The following ELAPOR2 variants were observed in gnomAD, a reference collection of about 807,000 sequenced individuals.
ELAPOR2 encodes the protein endosome/lysosome-associated apoptosis and autophagy regulator family member 2.
In ELAPOR2, 89 loss-of-function variants were observed where a neutral mutation model predicts 120.7. The observed-to-expected ratio is 0.74, with a 90% CI of 0.62 to 0.88. The LOEUF is 0.88. ELAPOR2 is among the 40% of genes least tolerant of loss of function. The pLI is 0.00. For synonymous variants in ELAPOR2, 444 were observed against 444.9 expected (o/e 1.00, Z 0.03); for missense variants, 1,134 against 1,251.6 (o/e 0.91, Z 1.42).
At chr7:87,023,282 T>A (rs1046069899) in intron 1 of ELAPOR2, among the ~76,000 whole-genome samples, 1 of 152,232 alleles carries the variant, frequency 6.6e-6, no homozygotes, top group African/African-American at 2.4e-5. Flanking sequence ...TTTCTACATA[T>A]GGCTAGCCAG....
intron 12 of ELAPOR2, among the ~76,000 whole-genome samples, chr7:86,916,289 G>A (rs1789564615): frequency 6.6e-6 from 1 of 152,166 alleles, no homozygotes; most frequent in Non-Finnish European, 1.5e-5. Context: ...TTGACTGAAA[G>A]GAGTAAGAGA....
chr7:86,967,445 C>G (rs1393283631), intron 1 of ELAPOR2, among the ~76,000 whole-genome samples: 1 of 151,946 alleles, frequency 6.6e-6, no homozygotes, highest in Non-Finnish European at 1.5e-5. Context: ...GGCAATGGAA[C>G]GAGACTCCAT....
At position 86,914,985 on chromosome 7, in the gene ELAPOR2, C is replaced by T. The variant is rs1789498961; in HGVS notation, c.1594-125G>A. The T allele has an allele frequency of 1.7e-5, 13 of 780,050 alleles. No homozygotes were observed. The South Asian group carries it at 2.6e-4, about 16-fold the overall frequency. The allele number at this position is 780,050 out of a possible 1,614,324, so 48.3% of individuals were successfully genotyped here. On this transcript the variant is annotated intron_variant, in intron 12 of 21. Transcript: ENST00000450689. ...ATTACAGTTTATGACTATTTACAAA[C>T]AGAGCATGTAATCCCAGAACTCTTA...
chr7:87,032,303 C>A (rs139600648), intron 1 of ELAPOR2, among the ~76,000 whole-genome samples: 1 of 152,014 alleles, frequency 6.6e-6, no homozygotes, highest in African/African-American at 2.4e-5. Flanking sequence ...GAACTAATAA[C>A]AAATGATTGC....
At chr7:86,935,513 A>G (rs1790524229) in intron 8 of ELAPOR2, among the ~76,000 whole-genome samples, 1 of 151,994 alleles carries the variant, frequency 6.6e-6, no homozygotes, top group African/African-American at 2.4e-5. Flanking sequence ...TATTTGATTG[A>G]CTGTTTATCT....
At chr7:87,019,697 TAA>T (rs796608508) in intron 1 of ELAPOR2, among the ~76,000 whole-genome samples, 1 of 152,208 alleles carries the variant, frequency 6.6e-6, no homozygotes, top group African/African-American at 2.4e-5. Context: ...TGGTAGTATG[TAA>T]ATCAGTATAA....
chr7:86,965,517 A>G (rs1193406437), intron 1 of ELAPOR2, among the ~76,000 whole-genome samples: 3 of 152,160 alleles, frequency 2.0e-5, no homozygotes, highest in Non-Finnish European at 4.4e-5. Flanking sequence ...AAAGACTACA[A>G]GTTTTTAAAG....
intron 1 of ELAPOR2, among the ~76,000 whole-genome samples, chr7:86,988,038 T>C (rs553586919): frequency 2.0e-5 from 3 of 152,270 alleles, no homozygotes; most frequent in Admixed American, 1.3e-4. Flanking sequence ...TGAGTTCATG[T>C]CCTTTGCAGC....
intron 8 of ELAPOR2, among the ~76,000 whole-genome samples, chr7:86,934,684 G>A (rs1305464717): frequency 2.0e-5 from 3 of 151,844 alleles, no homozygotes; most frequent in African/African-American, 7.3e-5. Context: ...CAACCCCAAG[G>A]CTTTAATTGC....
intron 8 of ELAPOR2, among the ~76,000 whole-genome samples, chr7:86,937,345 CCTGACAT>C: frequency 6.6e-6 from 1 of 152,106 alleles, no homozygotes; most frequent in South Asian, 2.1e-4. Context: ...TAATAAATTC[CCTGACAT>C]CTATATATGC....
At position 86,915,731 on chromosome 7, in the gene ELAPOR2, CTT is replaced by C. The variant is rs567761345; in HGVS notation, c.1594-873_1594-872del. 4.5e-3 allele frequency among the ~76,000 whole-genome samples: 677 copies of C among 150,236 alleles called. 6 individuals carry two copies. The highest frequency in any genetic ancestry group is 0.016 in the African/African-American group (656 of 40,878). On this transcript the variant is annotated intron_variant, in intron 12 of 21. Coordinates refer to ENST00000450689, the MANE Select transcript of ELAPOR2 (RefSeq NM_001142749.3). ...GGTTTCATGAGCTCAAGACAAGTCT[CTT>C]TGTTTTTCATCCTTTGATAATACAG...
chr7:87,026,460 A>G (rs1562973947), intron 1 of ELAPOR2, among the ~76,000 whole-genome samples: 1 of 151,788 alleles, frequency 6.6e-6, no homozygotes, highest in African/African-American at 2.4e-5. Flanking sequence ...ATTAAAAAAA[A>G]AAAGACTCTC....
At chr7:86,901,729 C>T (rs550650960) in intron 18 of ELAPOR2, among the ~76,000 whole-genome samples, 178 of 152,240 alleles carry the variant, frequency 1.2e-3, no homozygotes, top group African/African-American at 4.0e-3. Flanking sequence ...AAGCTGCTTT[C>T]GCATGGGGCT....
Position 86,880,274 on chromosome 7 carries a change from C to T in ELAPOR2, c.*197G>A. The T allele has an allele frequency of 1.7e-6, 1 of 592,032 alleles. No homozygotes were observed. The highest frequency in any genetic ancestry group is 3.0e-6 in the Non-Finnish European group (1 of 335,398). The allele number at this position is 592,032 out of a possible 1,614,324, so 36.7% of individuals were successfully genotyped here. ...CTTCAGTTGAGACCCAAATCATTTG[C>T]TTTCCTTTATTTGGCAAGGTACTTG... On this transcript the variant is annotated 3_prime_UTR_variant, in exon 22 of 22. Transcript: ENST00000450689.
chr7:86,911,652 T>G (rs1405430349), intron 15 of ELAPOR2: 1 of 457,452 alleles, frequency 2.2e-6, no homozygotes, highest in South Asian at 1.5e-5. Context: ...CCTGCATGTC[T>G]CCTTTTTATT....
chr7:86,929,341 T>C (rs536560606), intron 8 of ELAPOR2, among the ~76,000 whole-genome samples: 6 of 152,094 alleles, frequency 3.9e-5, no homozygotes, highest in Non-Finnish European at 8.8e-5. Context: ...CTAAATTACA[T>C]GTGTTTTTAA....
intron 19 of ELAPOR2, among the ~76,000 whole-genome samples, chr7:86,896,015 T>A (rs1788420102): frequency 6.6e-6 from 1 of 152,118 alleles, no homozygotes; most frequent in South Asian, 2.1e-4. Flanking sequence ...AAAAAGAAAC[T>A]GTCTCAGCAG....
chr7:86,911,814 C>T, intron 15 of ELAPOR2: 1 of 568,812 alleles, frequency 1.8e-6, no homozygotes. Flanking sequence ...ATCCTCAAAG[C>T]ACTTACACCA....
intron 1 of ELAPOR2, among the ~76,000 whole-genome samples, chr7:87,031,672 T>C (rs919085951): frequency 2.6e-5 from 4 of 152,208 alleles, no homozygotes; most frequent in Non-Finnish European, 5.9e-5. Flanking sequence ...CTGCTGCGGC[T>C]AAATTTTATA....
Sources: gnomAD v4.1 joint callset for allele counts (sites outside exome capture counted in the v4.1 genomes callset) on GRCh38, gnomAD v4.1.1 for gene constraint, MANE v1.5 for transcripts, NCBI Gene and HGNC (gene_info 2026-07-23, HGNC 2026-07-21) for gene names.